Variants in PITPNM2 observed in about 807,000 individuals in gnomAD.
PITPNM2 encodes the protein phosphatidylinositol transfer protein membrane associated 2, also known as membrane-associated phosphatidylinositol transfer protein 2.
A neutral mutation model predicts 132.2 loss-of-function variants in PITPNM2; 35 were observed. The observed-to-expected ratio is 0.26, with a 90% CI of 0.20 to 0.35. The LOEUF (loss-of-function observed/expected upper bound fraction) is 0.35. Among genes scored for constraint, PITPNM2 ranks in the 10% least tolerant of loss-of-function variants. The pLI, the probability that PITPNM2 is intolerant of heterozygous loss-of-function variation, is 1.00. For synonymous variants in PITPNM2, 738 were observed against 799.2 expected (o/e 0.92, Z 1.29); for missense variants, 1,332 against 1,912.0 (o/e 0.70, Z 5.66).
chr12:123,009,960 T>A lies in PITPNM2; in HGVS notation c.533A>T (p.Glu178Val). 6.2e-7 allele frequency: 1 copy of A among 1,614,200 alleles called. No individual in the cohort carries two copies. The highest frequency in any genetic ancestry group is 8.5e-7 in the Non-Finnish European group (1 of 1,180,030). The change falls in exon 6 of 26, where the codon GAG (glutamate) becomes GTG (valine). Residue 178 changes from glutamate (E) to valine (V), a missense_variant. Physicochemically the swap from Glu to Val is moderately radical, Grantham distance 121 (BLOSUM62 -2). This residue lies in a region of PITPNM2 where 122 missense variants were observed against 209.6 expected (regional missense o/e 0.58). Transcript: ENST00000320201. This position sits in a 1 kb window ranked among gnomAD's most constrained non-coding sequence, Gnocchi z 4.8. The stretch of plus-strand genomic sequence containing the variant: ...GGGGAAGACCTGCTTCTTGTACTCC[T>A]CGATCCAGTTCTCGGACAGGGGCCC... ...QRGPLSENWIEEYKKQVFPIM... is the reference protein window; with the variant it reads ...QRGPLSENWIVEYKKQVFPIM...
At chr12:123,019,322 C>T (rs1295294015) in intron 3 of PITPNM2, among the ~76,000 whole-genome samples, 1 of 152,192 alleles carries the variant, frequency 6.6e-6, no homozygotes, top group Non-Finnish European at 1.5e-5. Context: ...GTTACACAGG[C>T]ATATTCACTT....
intron 2 of PITPNM2, among the ~76,000 whole-genome samples, chr12:123,048,021 C>T (rs2040717724): frequency 6.6e-6 from 1 of 151,762 alleles, no homozygotes; most frequent in African/African-American, 2.4e-5. Context: ...ATCACTTGAA[C>T]CTGGGAGGTG....
chr12:123,031,169 C>T lies in PITPNM2; in HGVS notation c.78+3344G>A, dbSNP rs1053660687. 3.3e-5 allele frequency among the ~76,000 whole-genome samples: 5 copies of T among 152,188 alleles called. No individual in the cohort carries two copies. Among genetic ancestry groups the T allele is most frequent in the African/African-American group, 1.2e-4 (5 of 41,438 alleles). On this transcript the variant is annotated intron_variant, in intron 3 of 25. Transcript: ENST00000320201. This position sits in a 1 kb window ranked among gnomAD's most constrained non-coding sequence, Gnocchi z 4.5. ...TCACCTCAATAAAAGCAAAACAAGA[C>T]AACAACCAATCAAGTAAGCCCAAAG... is the stretch of plus-strand genomic sequence containing the variant.
chr12:122,997,055 C>G (rs2038460689), intron 11 of PITPNM2, 145 bp from the exon 12 acceptor site: 7 of 963,504 alleles, frequency 7.3e-6, no homozygotes, highest in Non-Finnish European at 1.0e-5. Context: ...GCTTGGGGGA[C>G]CAGGGTGGGT....
At position 123,069,811 on chromosome 12, in the gene PITPNM2, T is replaced by C. The variant is rs772745211; in HGVS notation, c.-95-35126A>G. Among the ~76,000 whole-genome samples the C allele has an allele frequency of 1.1e-3, 163 of 152,282 alleles. 1 individual carries two copies. The Middle Eastern group carries it at 0.027, about 25-fold the overall frequency. On this transcript the variant is annotated intron_variant, in intron 2 of 25. Coordinates refer to ENST00000320201, the MANE Select transcript of PITPNM2 (RefSeq NM_020845.3). ...CAGCAAATATTTGTTAGATAAAAGATTTTAATTCCAAACTCTGTCCCAGAA... is the reference window on the plus strand; with the variant it reads ...CAGCAAATATTTGTTAGATAAAAGACTTTAATTCCAAACTCTGTCCCAGAA...
chr12:123,057,529 C>T (rs1302020564), intron 2 of PITPNM2, among the ~76,000 whole-genome samples: 14 of 152,126 alleles, frequency 9.2e-5, no homozygotes, highest in Non-Finnish European at 2.9e-5. Flanking sequence ...TACAAAGTGC[C>T]GTAGACAAGA....
intron 2 of PITPNM2, among the ~76,000 whole-genome samples, chr12:123,055,515 A>G (rs1013067806): frequency 1.1e-4 from 17 of 152,322 alleles, no homozygotes; most frequent in African/African-American, 4.1e-4. Flanking sequence ...AAACAGATAC[A>G]ATACTTGGAA....
In PITPNM2 at chr12:122,989,776, T is replaced by G; in HGVS notation, c.2731+11A>C. 1 of 1,383,452 alleles carries G rather than the reference T, an allele frequency of 7.2e-7. No homozygotes were observed. The highest frequency in any genetic ancestry group is 1.9e-5 in the South Asian group (1 of 52,394). 85.7% of individuals were successfully genotyped at this position (1,383,452 alleles called of 1,614,324 possible). A position where few individuals can be genotyped will look rare whatever the true frequency, so the allele number is the denominator to read the frequency against. Reference sequence around the variant, plus strand: ...TGACCCCCAGTGAGGGGAAAGTGTGTGGGGTGGTACCTTCTCCAATGTCCA... The same window carrying G: ...TGACCCCCAGTGAGGGGAAAGTGTGGGGGGTGGTACCTTCTCCAATGTCCA... On this transcript the variant is annotated intron_variant, in intron 18 of 25. Transcript: ENST00000320201.
At chr12:123,135,190 C>T (rs992847357) in intron 1 of PITPNM2, among the ~76,000 whole-genome samples, 25 of 152,108 alleles carry the variant, frequency 1.6e-4, no homozygotes, top group Non-Finnish European at 3.1e-4. Context: ...CAAGCAAAGA[C>T]GTCCAGGGTG....
chr12:123,042,476 G>A (rs1250533912), intron 2 of PITPNM2, among the ~76,000 whole-genome samples: 5 of 152,182 alleles, frequency 3.3e-5, no homozygotes, highest in African/African-American at 4.8e-5. Context: ...TAGTGAGGCT[G>A]TGCAAAGTTA....
At chr12:123,085,211 AAGT>A (rs2042078737) in intron 2 of PITPNM2, among the ~76,000 whole-genome samples, 1 of 152,178 alleles carries the variant, frequency 6.6e-6, no homozygotes, top group South Asian at 2.1e-4. Flanking sequence ...AGGAGTAACT[AAGT>A]AGGTGTGAGC....
At chr12:123,019,750 T>G (rs1266719011) in intron 3 of PITPNM2, among the ~76,000 whole-genome samples, 2 of 152,258 alleles carry the variant, frequency 1.3e-5, no homozygotes, top group Non-Finnish European at 2.9e-5. Flanking sequence ...CAGGCTGGTC[T>G]GCTTTGGGAA....
intron 1 of PITPNM2, among the ~76,000 whole-genome samples, chr12:123,119,661 G>C (rs2042997183): frequency 6.6e-6 from 1 of 152,042 alleles, no homozygotes; most frequent in South Asian, 2.1e-4. Flanking sequence ...CCTGGCTGAG[G>C]ATGTGATCTT....
intron 2 of PITPNM2, chr12:123,087,153 T>G (rs2042134258): frequency 1.3e-5 from 2 of 152,214 alleles, no homozygotes; most frequent in Non-Finnish European, 2.9e-5. Context: ...CCTGCACACT[T>G]ATGGGAGACT....
intron 2 of PITPNM2, among the ~76,000 whole-genome samples, chr12:123,069,070 T>C (rs1244650886): frequency 1.3e-5 from 2 of 151,866 alleles, no homozygotes; most frequent in Non-Finnish European, 2.9e-5. Flanking sequence ...CTGGGCAATA[T>C]GGTGAGACCC....
At chr12:123,040,971 G>A (rs1388877449) in intron 2 of PITPNM2, among the ~76,000 whole-genome samples, 1 of 152,178 alleles carries the variant, frequency 6.6e-6, no homozygotes, top group African/African-American at 2.4e-5. Flanking sequence ...ACTTTTACCT[G>A]CACTTTATTA....
chr12:123,144,617 A>G (rs1308736294), intron 1 of PITPNM2, among the ~76,000 whole-genome samples: 1 of 152,162 alleles, frequency 6.6e-6, no homozygotes, highest in Non-Finnish European at 1.5e-5. Context: ...TTTTTAGTAG[A>G]GATGGGGTTT....
chr12:123,003,991 T>C (rs1232167429), intron 8 of PITPNM2, among the ~76,000 whole-genome samples: 2 of 152,264 alleles, frequency 1.3e-5, no homozygotes, highest in Admixed American at 1.3e-4. Context: ...AGATGTGGTA[T>C]TAATTTAATC....
rs2042493006 is a variant in PITPNM2, at chr12:123,099,300, T to C, written c.-96+11085A>G. On this transcript the variant is annotated intron_variant, in intron 2 of 25. Coordinates refer to ENST00000320201, the MANE Select transcript of PITPNM2 (RefSeq NM_020845.3). The surrounding 1 kb of genome is among the most constrained non-coding windows in gnomAD (Gnocchi z 4.2). ...CTCATACCAGGACTCCCTTTGGAGATGAGGGCAAAGGCAAGTCTGGCTCTC... is the reference window on the plus strand; with the variant it reads ...CTCATACCAGGACTCCCTTTGGAGACGAGGGCAAAGGCAAGTCTGGCTCTC... 6.6e-6 allele frequency among the ~76,000 whole-genome samples: 1 copy of C among 152,148 alleles called. No individual in the cohort carries two copies. The highest frequency in any genetic ancestry group is 2.1e-4 in the South Asian group (1 of 4,830).
Sources: allele counts gnomAD v4.1 joint callset (sites outside exome capture counted in the v4.1 genomes callset), GRCh38; gene constraint gnomAD v4.1.1; regional missense constraint gnomAD v4.1.1; non-coding constraint Gnocchi (gnomAD v3.1); transcripts MANE v1.5; gene names NCBI Gene and HGNC (gene_info 2026-07-23, HGNC 2026-07-21).